Variants in TENM3 observed in about 807,000 individuals in gnomAD.
TENM3 encodes teneurin transmembrane protein 3.
In TENM3, 63 loss-of-function variants were observed where a neutral mutation model predicts 255.1. The observed-to-expected ratio is 0.25, with a 90% CI of 0.20 to 0.30. The LOEUF (loss-of-function observed/expected upper bound fraction) is 0.30. TENM3 is among the 10% of genes least tolerant of loss of function. The pLI is 1.00. For synonymous variants in TENM3, 1,306 were observed against 1,322.3 expected (o/e 0.99, Z 0.27); for missense variants, 2,929 against 3,461.1 (o/e 0.85, Z 3.86).
the TENM3 span, among the ~76,000 whole-genome samples, chr4:181,583,400 A>G: frequency 1.0e-5 from 1 of 98,926 alleles, no homozygotes; most frequent in Admixed American, 1.1e-4. Flanking sequence ...TAAAATATAG[A>G]TAGGGTGACC....
chr4:182,799,476 G>A lies in TENM3; in HGVS notation c.7345-120G>A. 1 of 1,332,548 alleles carries A rather than the reference G, an allele frequency of 7.5e-7. No individual in the cohort carries two copies. The highest frequency in any genetic ancestry group is 1.0e-6 in the Non-Finnish European group (1 of 999,748). 82.5% of individuals were successfully genotyped at this position (1,332,548 alleles called of 1,614,324 possible). The stretch of plus-strand genomic sequence containing the variant: ...CCCGGGCTGTCAGCCTTCTGGTCAG[G>A]GAAGGACCCCGGGGCTTCCATGCAT... On this transcript the variant is annotated intron_variant, in intron 27 of 27. Transcript: ENST00000511685. This position sits in a 1 kb window ranked among gnomAD's most constrained non-coding sequence, Gnocchi z 4.2.
At chr4:181,630,545 T>C in the TENM3 span, among the ~76,000 whole-genome samples, 1 of 152,188 alleles carries the variant, frequency 6.6e-6, no homozygotes, top group Non-Finnish European at 1.5e-5. Flanking sequence ...TGTGTCTTTG[T>C]TCTCATTGGT....
At chr4:182,212,869 A>G (rs1449042887) in intron 1 of TENM3, among the ~76,000 whole-genome samples, 1 of 152,236 alleles carries the variant, frequency 6.6e-6, no homozygotes, top group Non-Finnish European at 1.5e-5. Context: ...AATGCCCAAG[A>G]GGTACAACGC....
chr4:181,858,167 C>T, the TENM3 span, among the ~76,000 whole-genome samples: 5 of 152,304 alleles, frequency 3.3e-5, no homozygotes, highest in South Asian at 2.1e-4. Flanking sequence ...GGTGCAATCA[C>T]GGCTTACTGC....
the TENM3 span, among the ~76,000 whole-genome samples, chr4:181,908,865 C>G: frequency 6.6e-5 from 10 of 152,124 alleles, no homozygotes; most frequent in Non-Finnish European, 1.0e-4. Flanking sequence ...GAGCCATTAA[C>G]CTTAAAGTGG....
the TENM3 span, among the ~76,000 whole-genome samples, chr4:181,797,388 T>C: frequency 6.6e-6 from 1 of 152,128 alleles, no homozygotes; most frequent in Admixed American, 6.5e-5. Context: ...GACCATTGTC[T>C]CCTTGCTCTC....
At chr4:182,731,621 A>T (rs1760716719) in intron 16 of TENM3, among the ~76,000 whole-genome samples, 1 of 151,952 alleles carries the variant, frequency 6.6e-6, no homozygotes, top group African/African-American at 2.4e-5. Context: ...CAAAACCAAA[A>T]AAAACCACGG....
chr4:181,529,643 G>T, the TENM3 span, among the ~76,000 whole-genome samples: 24 of 152,150 alleles, frequency 1.6e-4, no homozygotes, highest in African/African-American at 5.6e-4. Flanking sequence ...GCTGCACTTG[G>T]AAATAAAGAT....
At chr4:182,565,787 G>A (rs1013268106) in intron 3 of TENM3, among the ~76,000 whole-genome samples, 1 of 152,172 alleles carries the variant, frequency 6.6e-6, no homozygotes, top group African/African-American at 2.4e-5. Context: ...GTTTAAGAAG[G>A]AGAGAGAACA....
At chr4:181,916,506 C>G in the TENM3 span, among the ~76,000 whole-genome samples, 1 of 152,048 alleles carries the variant, frequency 6.6e-6, no homozygotes, top group Non-Finnish European at 1.5e-5. Flanking sequence ...GATAAGGAAG[C>G]TGTTGAGACA....
chr4:182,168,963 C>T (rs1751907535), intron 1 of TENM3, among the ~76,000 whole-genome samples: 1 of 151,878 alleles, frequency 6.6e-6, no homozygotes, highest in South Asian at 2.1e-4. Context: ...TATATGTATA[C>T]TTACAGGCTT....
chr4:182,614,831 T>C (rs944102389), intron 4 of TENM3, among the ~76,000 whole-genome samples: 3 of 151,786 alleles, frequency 2.0e-5, no homozygotes, highest in Non-Finnish European at 4.4e-5. Flanking sequence ...ATTACACTGG[T>C]TTTTTTGCTG....
Position 182,751,834 on chromosome 4 carries a change from G to A in TENM3, c.3664G>A (p.Asp1222Asn). 2.5e-6 allele frequency: 4 copies of A among 1,613,864 alleles called. No homozygotes were observed. The highest frequency in any genetic ancestry group is 2.5e-6 in the Non-Finnish European group (3 of 1,179,858). The change falls in exon 20 of 28, where the codon GAT becomes AAT. Residue 1222 changes from aspartate to asparagine, a missense_variant. Transcript: ENST00000511685. ...NPAHRYYLATDPVTGDLYVSD... is the reference protein window; with the variant it reads ...NPAHRYYLATNPVTGDLYVSD... ...AGCTCATAGATACTACCTTGCAACG[G>A]ATCCAGTCACGGGAGATCTGTACGT...
chr4:181,630,502 T>C, the TENM3 span, among the ~76,000 whole-genome samples: 2 of 152,320 alleles, frequency 1.3e-5, no homozygotes, highest in African/African-American at 2.4e-5. Context: ...CTCTACACAC[T>C]GCTTTAAATG....
the TENM3 span, among the ~76,000 whole-genome samples, chr4:181,977,869 G>A: frequency 2.0e-5 from 3 of 152,248 alleles, no homozygotes; most frequent in Non-Finnish European, 4.4e-5. Context: ...GAGAGAATCA[G>A]AATAGGATAA....
chr4:182,610,250 A>G (rs1270279584), intron 4 of TENM3, among the ~76,000 whole-genome samples: 1 of 152,268 alleles, frequency 6.6e-6, no homozygotes, highest in Non-Finnish European at 1.5e-5. Flanking sequence ...GCCTGAATGC[A>G]TTCATTCATT....
intron 1 of TENM3, among the ~76,000 whole-genome samples, chr4:182,191,371 T>G (rs767291680): frequency 7.2e-5 from 11 of 152,290 alleles, no homozygotes; most frequent in Non-Finnish European, 1.3e-4. Flanking sequence ...TCTCCGGCTC[T>G]CTCCTCTGCT....
At chr4:182,032,541 G>T in the TENM3 span, among the ~76,000 whole-genome samples, 1 of 152,082 alleles carries the variant, frequency 6.6e-6, no homozygotes, top group African/African-American at 2.4e-5. Flanking sequence ...GTCAGGTTTT[G>T]GTATCAGAAT....
At chr4:181,924,954 T>C in the TENM3 span, among the ~76,000 whole-genome samples, 5 of 152,106 alleles carry the variant, frequency 3.3e-5, no homozygotes, top group Non-Finnish European at 7.4e-5. Context: ...AAACGGCAGG[T>C]TGAAGTAAGA....
Sources: allele counts gnomAD v4.1 joint callset (sites outside exome capture counted in the v4.1 genomes callset), GRCh38; gene constraint gnomAD v4.1.1; non-coding constraint Gnocchi (gnomAD v3.1); transcripts MANE v1.5; gene names NCBI Gene and HGNC (gene_info 2026-07-23, HGNC 2026-07-21).